Variants in COMMD1 observed in about 807,000 individuals in gnomAD.
COMMD1 encodes the protein copper metabolism domain containing 1, also known as COMM domain-containing protein 1.
A neutral mutation model predicts 17.2 loss-of-function variants in COMMD1; 10 were observed. That is an observed-to-expected ratio of 0.58 (90% CI 0.36 to 0.99). The LOEUF (loss-of-function observed/expected upper bound fraction) is 0.99, where lower values mean the gene tolerates loss of function less well. Ranked by LOEUF, COMMD1 falls within the 50% of genes least tolerant of loss-of-function variation. The pLI, the probability that COMMD1 is intolerant of heterozygous loss-of-function variation, is 0.01. For synonymous variants in COMMD1, 97 were observed against 91.6 expected, an observed-to-expected ratio of 1.06 and a Z score of -0.34; for missense variants, 270 against 231.8, an observed-to-expected ratio of 1.17 and a Z score of -1.07.
intron 2 of COMMD1, among the ~76,000 whole-genome samples, chr2:62,024,912 G>GT (rs879262623): frequency 2.0e-5 from 3 of 152,130 alleles, no homozygotes; most frequent in Non-Finnish European, 2.9e-5. Flanking sequence ...GAATTTTCCT[G>GT]TTTCCTGTGC....
intron 2 of COMMD1, among the ~76,000 whole-genome samples, chr2:62,120,015 C>T (rs922773237): frequency 5.9e-5 from 9 of 151,740 alleles, no homozygotes; most frequent in African/African-American, 9.7e-5. Context: ...TATTTCATTT[C>T]GAGACAGGGT....
At chr2:61,888,444 C>T (rs748383472), upstream of COMMD1, 1 of 1,611,954 alleles carries the variant, frequency 6.2e-7, no homozygotes, top group Non-Finnish European at 8.5e-7. Flanking sequence ...TGATAGGCGC[C>T]TTTCCCGCGG....
intron 2 of COMMD1, among the ~76,000 whole-genome samples, chr2:62,129,663 C>T (rs1038119172): frequency 6.6e-6 from 1 of 152,182 alleles, no homozygotes; most frequent in Non-Finnish European, 1.5e-5. Context: ...TATTTAATTG[C>T]CCTTCAAGGA....
At chr2:61,952,140 A>G (rs1053783203) in intron 1 of COMMD1, among the ~76,000 whole-genome samples, 3 of 152,212 alleles carry the variant, frequency 2.0e-5, no homozygotes, top group East Asian at 1.9e-4. Flanking sequence ...ATTCCTGGGT[A>G]TAGGCCAAGC....
At chr2:62,046,945 A>G (rs1670399851) in intron 2 of COMMD1, among the ~76,000 whole-genome samples, 1 of 152,184 alleles carries the variant, frequency 6.6e-6, no homozygotes, top group African/African-American at 2.4e-5. Flanking sequence ...TATTCCTACC[A>G]CCACCCCAAA....
intron 2 of COMMD1, among the ~76,000 whole-genome samples, chr2:62,029,856 C>CTA (rs1669866125): frequency 2.0e-5 from 3 of 152,160 alleles, no homozygotes; most frequent in African/African-American, 4.8e-5. Flanking sequence ...CCCTTCGGCC[C>CTA]CAGTGGTTTG....
At chr2:61,982,444 A>G (rs1453055194) in intron 1 of COMMD1, among the ~76,000 whole-genome samples, 1 of 152,052 alleles carries the variant, frequency 6.6e-6, no homozygotes, top group African/African-American at 2.4e-5. Context: ...GAACAGTTTG[A>G]CTTCTTCCTT....
chr2:62,055,393 A>G (rs1471471513), intron 2 of COMMD1: 1 of 455,636 alleles, frequency 2.2e-6, no homozygotes, highest in African/African-American at 2.0e-5. Context: ...AGCAAAAAAG[A>G]AAGCTGCATT....
intron 2 of COMMD1, among the ~76,000 whole-genome samples, chr2:62,097,494 C>A (rs1672044336): frequency 6.6e-6 from 1 of 152,136 alleles, no homozygotes; most frequent in African/African-American, 2.4e-5. Flanking sequence ...TTAACTTTCA[C>A]AAGCATAATG....
At chr2:61,973,147 C>T (rs1344551501) in intron 1 of COMMD1, among the ~76,000 whole-genome samples, 2 of 152,114 alleles carry the variant, frequency 1.3e-5, no homozygotes, top group African/African-American at 4.8e-5. Context: ...TGTCACTATT[C>T]ACTTTTTTAT....
At chr2:61,911,513 G>A (rs1161243252) in intron 1 of COMMD1, among the ~76,000 whole-genome samples, 2 of 152,086 alleles carry the variant, frequency 1.3e-5, no homozygotes, top group African/African-American at 4.8e-5. Context: ...ACTCTGTCAC[G>A]CAGGCTGGAG....
chr2:62,019,477 A>G (rs1364021058), intron 2 of COMMD1, among the ~76,000 whole-genome samples: 1 of 151,994 alleles, frequency 6.6e-6, no homozygotes, highest in African/African-American at 2.4e-5. Context: ...ACCCGGCCCT[A>G]AAAGCTCTTT....
At chr2:62,128,084 T>C (rs1216699230) in intron 2 of COMMD1, among the ~76,000 whole-genome samples, 1 of 151,044 alleles carries the variant, frequency 6.6e-6, no homozygotes, top group Non-Finnish European at 1.5e-5. Context: ...TCCCAGCACT[T>C]TGGGAGGCTG....
At chr2:61,920,045 C>T (rs1670148398) in intron 1 of COMMD1, among the ~76,000 whole-genome samples, 1 of 152,184 alleles carries the variant, frequency 6.6e-6, no homozygotes, top group Non-Finnish European at 1.5e-5. Context: ...CCAAGGATCA[C>T]TTGAGCCCCA....
chr2:61,990,304 C>T (rs917727132), intron 1 of COMMD1, among the ~76,000 whole-genome samples: 1 of 152,170 alleles, frequency 6.6e-6, no homozygotes, highest in East Asian at 1.9e-4. Flanking sequence ...GAATTTAAAT[C>T]TAGAGGTCAG....
At chr2:62,068,652 T>C (rs182654061) in intron 2 of COMMD1, among the ~76,000 whole-genome samples, 2 of 135,958 alleles carry the variant, frequency 1.5e-5, no homozygotes, top group East Asian at 4.3e-4. Flanking sequence ...TTTGACCGAG[T>C]CTCACTCTGT....
chr2:62,068,257 G>A (rs1019439087), intron 2 of COMMD1, among the ~76,000 whole-genome samples: 2 of 152,164 alleles, frequency 1.3e-5, no homozygotes, highest in Admixed American at 6.5e-5. Context: ...GGGAGCAGGA[G>A]ACCTTGAACC....
intron 2 of COMMD1, among the ~76,000 whole-genome samples, chr2:62,111,098 A>T (rs555916727): frequency 6.6e-6 from 1 of 152,148 alleles, no homozygotes; most frequent in Non-Finnish European, 1.5e-5. Flanking sequence ...AGAGAGGGAG[A>T]TATCTTTACG....
Position 62,015,012 on chromosome 2 carries a change from G to T in COMMD1, c.462+14030G>T, listed in dbSNP as rs1413952128. ...TGATCATAGCTTACTGTAGCCTCAAGTCCTGGGCTCAAGCAGTCCTCCTGC... is the reference window on the plus strand; with the variant it reads ...TGATCATAGCTTACTGTAGCCTCAATTCCTGGGCTCAAGCAGTCCTCCTGC... On this transcript the variant is annotated intron_variant, in intron 2 of 2. Transcript: ENST00000311832. Among the ~76,000 whole-genome samples the T allele has an allele frequency of 2.6e-5, 4 of 152,064 alleles. No individual in the cohort carries two copies. The South Asian group carries it at 8.3e-4, about 32-fold the overall frequency.
Sources: gnomAD v4.1 joint callset for allele counts (sites outside exome capture counted in the v4.1 genomes callset) on GRCh38, gnomAD v4.1.1 for gene constraint, MANE v1.5 for transcripts, NCBI Gene and HGNC (gene_info 2026-07-23, HGNC 2026-07-21) for gene names.